UNKL: variants seen among roughly 807,000 people sequenced by gnomAD.
The protein encoded by UNKL is unk like zinc finger.
In UNKL, 60 loss-of-function variants were observed where a neutral mutation model predicts 78.0. The ratio of observed to expected loss-of-function variants is 0.77; its 90% CI spans 0.63 to 0.95. The LOEUF (loss-of-function observed/expected upper bound fraction) is 0.95. UNKL is among the 40% of genes least tolerant of loss of function. The pLI, the probability that UNKL is intolerant of heterozygous loss-of-function variation, is 0.00. For missense variants in UNKL, 1,159 were observed against 1,045.7 expected (o/e 1.11, Z -1.49); for synonymous variants, 608 against 474.8 (o/e 1.28, Z -3.65).
intron 2 of UNKL, among the ~76,000 whole-genome samples, chr16:1,413,116 G>A (rs974975474): frequency 6.6e-6 from 1 of 152,008 alleles, no homozygotes; most frequent in African/African-American, 2.4e-5. Context: ...GGCATGGCAT[G>A]AGCCTGTAGT....
Position 1,399,292 on chromosome 16 carries a change from C to T in UNKL, c.734+82G>A, listed in dbSNP as rs534264479. On this transcript the variant is annotated intron_variant, in intron 5 of 14. Transcript: ENST00000389221. This position sits in a 1 kb window ranked among gnomAD's most constrained non-coding sequence, Gnocchi z 5.8. ...CACAAGGGCAGCCCTCCCATTAGAA[C>T]CCCGGGGTGGGCAACGCGAGCCACG... The T allele has an allele frequency of 9.7e-6, 14 of 1,444,718 alleles. No homozygotes were observed. In the African/African-American group the frequency reaches 1.0e-4, roughly 10 times the overall value. The allele number at this position is 1,444,718 out of a possible 1,614,324, so 89.5% of individuals were successfully genotyped here.
chr16:1,377,543 A>C (rs2036326980), intron 10 of UNKL, among the ~76,000 whole-genome samples: 1 of 145,316 alleles, frequency 6.9e-6, no homozygotes, highest in African/African-American at 2.6e-5. Flanking sequence ...CCTCCTCACC[A>C]CTCACTCTGC....
intron 12 of UNKL, chr16:1,368,193 C>T: frequency 2.6e-6 from 1 of 391,140 alleles, no homozygotes; most frequent in Non-Finnish European, 4.7e-6. Flanking sequence ...AGACTCCACT[C>T]CCAGGAACCC....
At chr16:1,372,144 G>T (rs895551792) in intron 10 of UNKL, among the ~76,000 whole-genome samples, 2 of 151,876 alleles carry the variant, frequency 1.3e-5, no homozygotes, top group African/African-American at 4.8e-5. Flanking sequence ...GGTGCCTGTA[G>T]TCCCAGCTAC....
At chr16:1,388,729 ACACCGGCACCGTTCT>A (rs1404717628) in intron 9 of UNKL, among the ~76,000 whole-genome samples, 1 of 151,624 alleles carries the variant, frequency 6.6e-6, no homozygotes, top group African/African-American at 2.4e-5. Context: ...ACCTTCACTA[ACACCGGCACCGTTCT>A]CCCCGTGGGG....
intron 2 of UNKL, chr16:1,405,771 G>C: frequency 2.9e-6 from 1 of 348,108 alleles, no homozygotes; most frequent in East Asian, 7.5e-5. Context: ...AGTGAGCAGA[G>C]CCACGTGATT....
Position 1,387,198 on chromosome 16 carries a change from G to A in UNKL, c.1087-1813C>T, listed in dbSNP as rs904111504. On this transcript the variant is annotated intron_variant, in intron 9 of 14. Transcript: ENST00000389221. This position sits in a 1 kb window ranked among gnomAD's most constrained non-coding sequence, Gnocchi z 4.1. ...GGGACCCTCCCAGCCATGCAACACC[G>A]GGGACACTCCCAGCCATGCAACACC... Among the ~76,000 whole-genome samples, 12 of 151,378 alleles carry A rather than the reference G, an allele frequency of 7.9e-5. No individual in the cohort carries two copies. Among genetic ancestry groups the A allele is most frequent in the Non-Finnish European group, 1.5e-4 (10 of 67,890 alleles).
chr16:1,368,017 T>G (rs2141927716), intron 12 of UNKL, 159 bp from the exon 13 acceptor site: 1 of 652,882 alleles, frequency 1.5e-6, no homozygotes, highest in East Asian at 2.8e-5. Context: ...CTTGCCCCAC[T>G]CCTGGACCCC....
intron 3 of UNKL, among the ~76,000 whole-genome samples, chr16:1,402,781 G>A (rs1390502042): frequency 2.0e-5 from 3 of 151,576 alleles, no homozygotes; most frequent in Admixed American, 6.6e-5. Context: ...TCAGGAAATC[G>A]AGACCATCCT....
chr16:1,400,101 T>C (rs148048016), intron 4 of UNKL, among the ~76,000 whole-genome samples: 38 of 152,066 alleles, frequency 2.5e-4, no homozygotes, highest in South Asian at 1.2e-3. Context: ...CGGAAACCGC[T>C]CTAAAAAATA....
rs1049714071 is a variant in UNKL, at chr16:1,403,991, T to C, written c.288-647A>G. Among the ~76,000 whole-genome samples, 9 of 152,114 alleles carry C rather than the reference T, an allele frequency of 5.9e-5. No individual in the cohort carries two copies. In the East Asian group the frequency reaches 1.5e-3, roughly 26 times the overall value. On this transcript the variant is annotated intron_variant, in intron 2 of 14. Transcript: ENST00000389221. The surrounding 1 kb of genome is among the most constrained non-coding windows in gnomAD (Gnocchi z 4.8). ...GTCACAGGCAGCTCCTGAAGCACGATGGGGTGCAGTGGAGAGGGGAAGCAG... is the reference window on the plus strand; with the variant it reads ...GTCACAGGCAGCTCCTGAAGCACGACGGGGTGCAGTGGAGAGGGGAAGCAG...
At chr16:1,400,479 A>T (rs1231557509) in intron 4 of UNKL, among the ~76,000 whole-genome samples, 2 of 149,722 alleles carry the variant, frequency 1.3e-5, no homozygotes, top group Non-Finnish European at 3.0e-5. Context: ...CAATGTCCAG[A>T]ATACACAAAT....
Position 1,394,132 on chromosome 16 carries a change from C to T in UNKL, c.936G>A (p.Glu312=). Residue 312 remains glutamate, a splice_region_variant and synonymous_variant, in exon 7 of 15, where the codon GAG becomes GAA. Transcript: ENST00000389221. ...RGPFCAFAHV[E]KSLGMVNEWG... is the part of the protein sequence containing the mutation. The stretch of plus-strand genomic sequence containing the variant: ...CCTGCCACAGGGACGGTTACTCACT[C>T]TCAACGTGTGCAAAGGCACAGAAGG... 3 of 1,550,580 alleles carry T rather than the reference C, an allele frequency of 1.9e-6. No homozygotes were observed. Among genetic ancestry groups the T allele is most frequent in the Non-Finnish European group, 2.6e-6 (3 of 1,146,914 alleles).
At chr16:1,393,811 G>A (rs1161999353) in intron 7 of UNKL, among the ~76,000 whole-genome samples, 3 of 152,224 alleles carry the variant, frequency 2.0e-5, no homozygotes, top group Non-Finnish European at 4.4e-5. Flanking sequence ...ATGCCCAGGA[G>A]GCAGGTGGAG....
At chr16:1,386,836 G>T (rs1220712018) in intron 9 of UNKL, among the ~76,000 whole-genome samples, 2 of 152,098 alleles carry the variant, frequency 1.3e-5, no homozygotes, top group Non-Finnish European at 2.9e-5. Context: ...CCACGGCCCA[G>T]GAGGTGCACA....
At chr16:1,394,822 A>AC (rs889703560) in intron 6 of UNKL, among the ~76,000 whole-genome samples, 2 of 151,212 alleles carry the variant, frequency 1.3e-5, no homozygotes, top group Admixed American at 6.6e-5. Flanking sequence ...GCCTGGCCCC[A>AC]CCCCCCCATG....
chr16:1,388,664 CAT>C (rs2036917287), intron 9 of UNKL, among the ~76,000 whole-genome samples: 1 of 152,178 alleles, frequency 6.6e-6, no homozygotes, highest in Non-Finnish European at 1.5e-5. Flanking sequence ...AGTCCATCCA[CAT>C]GAGGGATGGG....
chr16:1,400,753 T>C (rs1029433995), intron 4 of UNKL, among the ~76,000 whole-genome samples: 91 of 152,104 alleles, frequency 6.0e-4, no homozygotes, highest in African/African-American at 2.1e-3. Context: ...AGTGGCGTGA[T>C]CTTGGCTCAC....
chr16:1,397,055 C>A, intron 6 of UNKL, 123 bp downstream of exon 6: 1 of 1,081,942 alleles, frequency 9.2e-7, no homozygotes, highest in Non-Finnish European at 1.3e-6. Flanking sequence ...GGCTTCCCGA[C>A]CTGTGCCAGC....
Sources: gnomAD v4.1 joint callset for allele counts (sites outside exome capture counted in the v4.1 genomes callset) on GRCh38, gnomAD v4.1.1 for gene constraint, Gnocchi (gnomAD v3.1) non-coding constraint, MANE v1.5 for transcripts, NCBI Gene and HGNC (gene_info 2026-07-23, HGNC 2026-07-21) for gene names.